DNA2: variants seen among roughly 807,000 people sequenced by gnomAD.
DNA2 encodes DNA replication ATP-dependent helicase/nuclease DNA2.
DNA2 carries 101 observed loss-of-function variants against 119.1 expected under a neutral mutation model. That is an observed-to-expected ratio of 0.85 (90% CI 0.72 to 1.00). The LOEUF is 1.00. DNA2 is among the 50% of genes least tolerant of loss of function. The pLI is 0.00. For synonymous variants in DNA2, 366 were observed against 424.4 expected, an observed-to-expected ratio of 0.86 and a Z score of 1.69; for missense variants, 1,121 against 1,255.5, an observed-to-expected ratio of 0.89 and a Z score of 1.62.
intron 4 of DNA2, among the ~76,000 whole-genome samples, chr10:68,463,988 CT>C (rs2052294537): frequency 6.6e-6 from 1 of 152,148 alleles, no homozygotes; most frequent in Non-Finnish European, 1.5e-5. Flanking sequence ...GCTGAAATTC[CT>C]CAAGCCAGAA....
chr10:68,466,169 T>G (rs1322555573), intron 3 of DNA2, among the ~76,000 whole-genome samples: 1 of 152,070 alleles, frequency 6.6e-6, no homozygotes, highest in Non-Finnish European at 1.5e-5. Flanking sequence ...TACAGGTGTG[T>G]GCTATCATGC....
Position 68,471,776 on chromosome 10 carries a change from C to G in DNA2, c.74+15G>C. 6.3e-7 allele frequency: 1 copy of G among 1,587,982 alleles called. No individual in the cohort carries two copies. The highest frequency in any genetic ancestry group is 2.2e-5 in the East Asian group (1 of 44,616). ...CTCCCGCTTTGTTCCCACACCCTCC[C>G]CCCTCTCCGCTCACAGCTCCGCCGG... On this transcript the variant is annotated intron_variant, in intron 1 of 20. Coordinates refer to ENST00000358410, the MANE Select transcript of DNA2 (RefSeq NM_001080449.3).
upstream of DNA2, chr10:68,472,117 C>T (rs1227600545): frequency 2.0e-6 from 3 of 1,482,882 alleles, no homozygotes; most frequent in Non-Finnish European, 2.7e-6. Context: ...TACAGGGAGT[C>T]TTCATATCTG....
chr10:68,423,168 C>A lies in DNA2; in HGVS notation c.2209-278G>T, dbSNP rs181567055. 0.027 allele frequency among the ~76,000 whole-genome samples: 4,107 copies of A among 150,290 alleles called. 174 individuals carry two copies. The highest frequency in any genetic ancestry group is 0.098 in the African/African-American group (3,887 of 39,802). ...ACATTCAAGAGGTAATAAGTTAGTTCTTTTTTTGTTTGTTTGTTTGTTTGT... is the reference window on the plus strand; with the variant it reads ...ACATTCAAGAGGTAATAAGTTAGTTATTTTTTTGTTTGTTTGTTTGTTTGT... On this transcript the variant is annotated intron_variant, in intron 14 of 20. Transcript: ENST00000358410.
chr10:68,469,793 C>T (rs1434660186), intron 2 of DNA2, among the ~76,000 whole-genome samples, 188 bp downstream of exon 2: 1 of 152,020 alleles, frequency 6.6e-6, no homozygotes, highest in East Asian at 1.9e-4. Context: ...CAACAAAAGT[C>T]AATTTTTGGA....
chr10:68,441,250 C>G (rs1365272066), intron 9 of DNA2, among the ~76,000 whole-genome samples: 2 of 147,208 alleles, frequency 1.4e-5, no homozygotes, highest in African/African-American at 5.0e-5. Context: ...GCACTGTGAA[C>G]TTTATCCCAG....
At chr10:68,441,349 A>G (rs1260633801) in intron 9 of DNA2, among the ~76,000 whole-genome samples, 2 of 151,868 alleles carry the variant, frequency 1.3e-5, no homozygotes, top group African/African-American at 2.4e-5. Flanking sequence ...AAAAAAAAAA[A>G]AAAAAAGAAA....
chr10:68,471,194 G>A (rs1159238652), intron 1 of DNA2, among the ~76,000 whole-genome samples: 1 of 152,102 alleles, frequency 6.6e-6, no homozygotes, highest in African/African-American at 2.4e-5. Context: ...CCTGACCGTA[G>A]GTTCTATTAT....
chr10:68,439,453 C>T (rs967799889), intron 9 of DNA2, among the ~76,000 whole-genome samples: 1 of 152,214 alleles, frequency 6.6e-6, no homozygotes, highest in South Asian at 2.1e-4. Context: ...GTAATCCCAG[C>T]ACTCTGGGAG....
intron 9 of DNA2, among the ~76,000 whole-genome samples, chr10:68,438,510 A>G (rs1285756782): frequency 7.3e-6 from 1 of 137,880 alleles, no homozygotes. Flanking sequence ...CAAGAGTGAA[A>G]CTCCGTCTCA....
intron 3 of DNA2, among the ~76,000 whole-genome samples, chr10:68,466,628 G>A (rs1348019808): frequency 6.6e-6 from 1 of 150,884 alleles, no homozygotes; most frequent in African/African-American, 2.4e-5. Flanking sequence ...ACCCAGGCTG[G>A]AGTGCAGCCG....
chr10:68,445,232 A>C, intron 7 of DNA2, 149 bp from the exon 8 acceptor site: 1 of 702,386 alleles, frequency 1.4e-6, no homozygotes. Flanking sequence ...GGGGAGGCTG[A>C]GGTGGGCGGA....
intron 4 of DNA2, chr10:68,461,356 C>T (rs1260539911): frequency 1.3e-5 from 2 of 152,098 alleles, no homozygotes; most frequent in Admixed American, 6.6e-5. Context: ...CAAGAATCCA[C>T]GATCTTATAT....
Position 68,467,468 on chromosome 10 carries a change from AAAAT to A in DNA2, c.441+651_441+654del, listed in dbSNP as rs1008759882. ...TAAAATAAAACTGCATGTTTCAAGA[AAAAT>A]AAATAAAAAGCTGGGTGTTGAGTAC... On this transcript the variant is annotated intron_variant, in intron 3 of 20. Transcript: ENST00000358410. Among the ~76,000 whole-genome samples, 10 of 152,300 alleles carry A rather than the reference AAAAT, an allele frequency of 6.6e-5. No homozygotes were observed. In the East Asian group the frequency reaches 1.9e-3, roughly 29 times the overall value.
At chr10:68,423,172 T>TTTTGTTTG (rs143774829) in intron 14 of DNA2, among the ~76,000 whole-genome samples, 1 of 151,996 alleles carries the variant, frequency 6.6e-6, no homozygotes, top group Non-Finnish European at 1.5e-5. Context: ...TTAGTTCTTT[T>TTTTGTTTG]TTTGTTTGTT....
chr10:68,468,432 C>A, intron 2 of DNA2, 126 bp from the exon 3 acceptor site: 1 of 653,644 alleles, frequency 1.5e-6, no homozygotes, highest in Non-Finnish European at 2.3e-6. Flanking sequence ...TTCTAAATTT[C>A]TGGGTCTTTA....
intron 20 of DNA2, among the ~76,000 whole-genome samples, chr10:68,415,908 C>A (rs1223431163): frequency 1.3e-5 from 2 of 152,112 alleles, no homozygotes; most frequent in Non-Finnish European, 2.9e-5. Context: ...CTTCAGCCTC[C>A]CAAAGTGCTA....
In DNA2 at chr10:68,432,262, T is replaced by C. The variant is rs1339331526; in HGVS notation, c.1817A>G (p.Tyr606Cys). Residue 606 changes from tyrosine to cysteine, a missense_variant, in exon 12 of 21, where the codon TAC becomes TGC. Tyr to Cys is a radical substitution (Grantham distance 194). Transcript: ENST00000358410. Reference protein sequence around the residue: ...IDFREPQFISYLSSVLPHDAK... With the variant: ...IDFREPQFISCLSSVLPHDAK... ...ATCATGTGGAAGAACAGAACTAAGGTAGGATATAAACTGAGGTTCACGAAA... is the reference window on the plus strand; with the variant it reads ...ATCATGTGGAAGAACAGAACTAAGGCAGGATATAAACTGAGGTTCACGAAA... 1 of 1,609,706 alleles carries C rather than the reference T, an allele frequency of 6.2e-7. No homozygotes were observed. Among genetic ancestry groups the C allele is most frequent in the African/African-American group, 1.3e-5 (1 of 74,790 alleles).
intron 14 of DNA2, chr10:68,424,523 A>C: frequency 2.8e-6 from 2 of 702,936 alleles, no homozygotes. Flanking sequence ...AAAAAAAACA[A>C]AACAGGCCTG....
Sources: gnomAD v4.1 joint callset for allele counts (sites outside exome capture counted in the v4.1 genomes callset) on GRCh38, gnomAD v4.1.1 for gene constraint, MANE v1.5 for transcripts, NCBI Gene and HGNC (gene_info 2026-07-23, HGNC 2026-07-21) for gene names.